The following NDUFB9 variants were observed in gnomAD, a reference collection of about 807,000 sequenced individuals.
The protein encoded by NDUFB9 is NADH dehydrogenase [ubiquinone] 1 beta subcomplex subunit 9.
Under a neutral mutation model 30.2 loss-of-function variants are expected in NDUFB9, and 24 were observed. That is an observed-to-expected ratio of 0.80 (90% CI 0.58 to 1.12). The LOEUF (loss-of-function observed/expected upper bound fraction) is 1.12, where lower values mean the gene tolerates loss of function less well. Ranked by LOEUF, NDUFB9 falls within the 50% of genes most tolerant of loss-of-function variation. NDUFB9 has a pLI of 0.00. For missense variants in NDUFB9, 204 were observed against 226.0 expected (o/e 0.90, Z 0.62); for synonymous variants, 80 against 84.0 (o/e 0.95, Z 0.26).
At chr8:124,540,951 C>T (rs1481310950) in intron 1 of NDUFB9, among the ~76,000 whole-genome samples, 1 of 152,158 alleles carries the variant, frequency 6.6e-6, no homozygotes, top group East Asian at 1.9e-4. Context: ...GAGTGGATCA[C>T]CTGAGGCCAG....
intron 3 of NDUFB9, among the ~76,000 whole-genome samples, chr8:124,548,856 AGT>A (rs1822237954): frequency 1.3e-5 from 2 of 152,010 alleles, no homozygotes; most frequent in East Asian, 1.9e-4. Flanking sequence ...GGAAAGGGAG[AGT>A]GTGGTTGGAT....
chr8:124,544,688 T>G (rs752360577), intron 2 of NDUFB9, among the ~76,000 whole-genome samples: 3 of 152,264 alleles, frequency 2.0e-5, no homozygotes, highest in African/African-American at 7.2e-5. Flanking sequence ...CATGGTTTAC[T>G]GAATCTTTTA....
At chr8:124,548,152 A>G (rs1822211973) in intron 3 of NDUFB9, among the ~76,000 whole-genome samples, 1 of 152,202 alleles carries the variant, frequency 6.6e-6, no homozygotes, top group Admixed American at 6.5e-5. Context: ...GTGAGACATC[A>G]AGTGCAGATG....
chr8:124,546,891 T>G (rs1167445119), intron 2 of NDUFB9, 109 bp from the exon 3 acceptor site: 2 of 817,082 alleles, frequency 2.4e-6, no homozygotes, highest in Non-Finnish European at 4.3e-6. Flanking sequence ...GTAGTTGCAG[T>G]GGTTATAAAA....
At chr8:124,547,506 G>T (rs1452136423) in intron 3 of NDUFB9, 3 of 510,352 alleles carry the variant, frequency 5.9e-6, no homozygotes, top group East Asian at 6.9e-5. Flanking sequence ...TTGGAGAGGG[G>T]AAGAGGAGAA....
At chr8:124,549,529 G>A (rs1234208147) in intron 3 of NDUFB9, among the ~76,000 whole-genome samples, 4 of 152,114 alleles carry the variant, frequency 2.6e-5, no homozygotes, top group African/African-American at 9.7e-5. Flanking sequence ...GAATAGGAAG[G>A]GTAGGCTTTG....
intron 3 of NDUFB9, chr8:124,547,535 G>T: frequency 2.3e-6 from 1 of 429,004 alleles, no homozygotes. Context: ...ACCCTTCTAG[G>T]ATTATTGCAG....
intron 1 of NDUFB9, 145 bp downstream of exon 1, chr8:124,539,432 C>T (rs182110675): frequency 5.4e-6 from 4 of 740,484 alleles, no homozygotes; most frequent in South Asian, 4.7e-5. Context: ...ATGGTAGACC[C>T]GGGTTCAAAT....
chr8:124,540,861 C>T (rs11989584), intron 1 of NDUFB9, among the ~76,000 whole-genome samples: 10,019 of 152,190 alleles, frequency 0.066, 1,125 homozygotes, highest in African/African-American at 0.23. Context: ...AGCTGTAGTT[C>T]GAATTGCTTG....
In NDUFB9 at chr8:124,547,499, G is replaced by A. The variant is rs1822191605; in HGVS notation, c.408+386G>A. ...TTGCTGTAGTGTGAAGAATATATTG[G>A]AGAGGGGAAGAGGAGAAGCAGAGAG... On this transcript the variant is annotated intron_variant, in intron 3 of 3. Coordinates refer to ENST00000276689, the MANE Select transcript of NDUFB9 (RefSeq NM_005005.3). The A allele has an allele frequency of 3.0e-5, 16 of 524,884 alleles. No homozygotes were observed. In the Middle Eastern group the frequency reaches 2.0e-3, roughly 67 times the overall value. The allele number at this position is 524,884 out of a possible 1,614,324, so 32.5% of individuals were successfully genotyped here.
At chr8:124,541,710 TCTC>T (rs1299133817) in intron 1 of NDUFB9, among the ~76,000 whole-genome samples, 3 of 152,092 alleles carry the variant, frequency 2.0e-5, no homozygotes, top group Non-Finnish European at 4.4e-5. Flanking sequence ...TTCAAGCAAT[TCTC>T]CTGCCTCAGT....
Position 124,549,837 on chromosome 8 carries a change from A to ATT in NDUFB9, c.487_488dup (p.Leu163PhefsTer10). ...TTGCCCCCTGCCCGAAAGGAAGGTGATTTGCCCCCACTGTGGTGGTATATT... is the reference window on the plus strand; with the variant it reads ...TTGCCCCCTGCCCGAAAGGAAGGTGATTTTTGCCCCCACTGTGGTGGTATATT... On this transcript the variant is annotated frameshift_variant, in exon 4 of 4. Coordinates refer to ENST00000276689, the MANE Select transcript of NDUFB9 (RefSeq NM_005005.3). LOFTEE classifies it high-confidence loss of function. The ATT allele has an allele frequency of 6.2e-7, 1 of 1,614,174 alleles. No individual in the cohort carries two copies. The highest frequency in any genetic ancestry group is 8.5e-7 in the Non-Finnish European group (1 of 1,180,030).
In NDUFB9 at chr8:124,539,161, C is replaced by T. The variant is rs754423576; in HGVS notation, c.-26C>T. On this transcript the variant is annotated 5_prime_UTR_variant, in exon 1 of 4. Transcript: ENST00000276689. ...AGGCGTGCAGTTTCCCGGCTCTCCG[C>T]GCGGCCGGGGAAGGTCAGCGCCGTA... is the stretch of plus-strand genomic sequence containing the variant. 1.4e-5 allele frequency: 22 copies of T among 1,613,304 alleles called. No individual in the cohort carries two copies. The highest frequency in any genetic ancestry group is 2.2e-5 in the East Asian group (1 of 44,884).
rs1822178329 is a variant in NDUFB9, at chr8:124,547,013, G to A, written c.308G>A (p.Cys103Tyr). The A allele has an allele frequency of 6.2e-7, 1 of 1,611,918 alleles. No individual in the cohort carries two copies. ...RYDCYKVPEWCLDDWHPSEKA... is the reference protein window; with the variant it reads ...RYDCYKVPEWYLDDWHPSEKA... ...CTCTCCTGACAGGTCCCAGAATGGT[G>A]CTTAGATGACTGGCATCCTTCTGAG... is the stretch of plus-strand genomic sequence containing the variant. The change falls in exon 3 of 4, where the codon TGC (cysteine) becomes TAC (tyrosine). Residue 103 changes from cysteine (C) to tyrosine (Y), a missense_variant. Coordinates refer to ENST00000276689, the MANE Select transcript of NDUFB9 (RefSeq NM_005005.3).
chr8:124,547,341 C>G (rs1822187404), intron 3 of NDUFB9: 1 of 632,482 alleles, frequency 1.6e-6, no homozygotes, highest in Non-Finnish European at 2.8e-6. Context: ...TGCTTCAGAT[C>G]TCCTTCTCTT....
intron 3 of NDUFB9, 120 bp from the exon 4 acceptor site, chr8:124,549,641 A>G: frequency 1.1e-6 from 1 of 912,652 alleles, no homozygotes; most frequent in Non-Finnish European, 1.8e-6. Flanking sequence ...TATTGTGATC[A>G]GATAGTGTGT....
chr8:124,549,934 G>A lies in NDUFB9; in HGVS notation c.*42G>A. 1 of 1,613,728 alleles carries A rather than the reference G, an allele frequency of 6.2e-7. No individual in the cohort carries two copies. ...TCTTTCATGCTTGCAAGTGAAATATGTTACAGAACATGCACTTGCCCTAAT... is the reference window on the plus strand; with the variant it reads ...TCTTTCATGCTTGCAAGTGAAATATATTACAGAACATGCACTTGCCCTAAT... On this transcript the variant is annotated 3_prime_UTR_variant, in exon 4 of 4. Transcript: ENST00000276689.
Position 124,549,865 on chromosome 8 carries a change from G to A in NDUFB9, c.513G>A (p.Val171=), listed in dbSNP as rs751273655. 2 of 1,614,202 alleles carry A rather than the reference G, an allele frequency of 1.2e-6. No individual in the cohort carries two copies. The change falls in exon 4 of 4, where the codon GTG becomes GTA. Residue 171 remains valine, a synonymous_variant. Transcript: ENST00000276689. Reference sequence around the variant, plus strand: ...TGCCCCCACTGTGGTGGTATATTGTGACCAGACCCCGGGAGCGGCCCATGT... The same window carrying A: ...TGCCCCCACTGTGGTGGTATATTGTAACCAGACCCCGGGAGCGGCCCATGT... The part of the protein sequence containing the change: ...GDLPPLWWYI[V]TRPRERPM
intron 1 of NDUFB9, chr8:124,539,530 C>G (rs1821839512): frequency 3.7e-6 from 2 of 534,744 alleles, no homozygotes; most frequent in East Asian, 3.3e-5. Flanking sequence ...AACGGACGCA[C>G]GACCAGCGCA....
Sources: allele counts gnomAD v4.1 joint callset (sites outside exome capture counted in the v4.1 genomes callset), GRCh38; gene constraint gnomAD v4.1.1; transcripts MANE v1.5; gene names NCBI Gene and HGNC (gene_info 2026-07-23, HGNC 2026-07-21).